LMOD1: variants seen among roughly 807,000 people sequenced by gnomAD.
LMOD1 encodes the protein leiomodin-1.
In LMOD1, 8 loss-of-function variants were observed where a neutral mutation model predicts 36.5. That is an observed-to-expected ratio of 0.22 (90% confidence interval 0.13 to 0.40). The LOEUF (loss-of-function observed/expected upper bound fraction) is 0.40, where lower values mean the gene tolerates loss of function less well. Ranked by LOEUF, LMOD1 falls within the 10% of genes least tolerant of loss-of-function variation. The probability of loss-of-function intolerance (pLI) is 1.00; values close to 1 mark genes in which losing one functional copy is unlikely to be tolerated. For synonymous variants in LMOD1, 284 were observed against 288.7 expected (o/e 0.98, Z 0.17); for missense variants, 630 against 751.1 (o/e 0.84, Z 1.88).
chr1:201,945,162 T>C (rs1041590815), intron 1 of LMOD1, among the ~76,000 whole-genome samples: 1 of 152,136 alleles, frequency 6.6e-6, no homozygotes, highest in South Asian at 2.1e-4. Flanking sequence ...TCATACTTCA[T>C]CGGAGGCTAG....
intron 1 of LMOD1, among the ~76,000 whole-genome samples, chr1:201,909,968 A>C (rs546537668): frequency 6.6e-6 from 1 of 152,250 alleles, no homozygotes; most frequent in African/African-American, 2.4e-5. Flanking sequence ...TGCCTGGTCC[A>C]GACACAGCCC....
rs541150339 is a variant in LMOD1 at position 201,919,138 on chromosome 1, C to T, written c.262-18387G>A. 5.9e-5 allele frequency among the ~76,000 whole-genome samples: 9 copies of T among 152,190 alleles called. No individual in the cohort carries two copies. The East Asian group carries it at 1.7e-3, about 30-fold the overall frequency. ...CTCCTGGCCTCAAGCAATCCTCCCG[C>T]CTTGGCCTCACTTTTGCTGGGATTA... On this transcript the variant is annotated intron_variant, in intron 1 of 2. Coordinates refer to ENST00000367288, the MANE Select transcript of LMOD1 (RefSeq NM_012134.3).
chr1:201,931,786 C>T (rs1365766185), intron 1 of LMOD1, among the ~76,000 whole-genome samples: 1 of 151,736 alleles, frequency 6.6e-6, no homozygotes, highest in African/African-American at 2.4e-5. Flanking sequence ...CCTGTAATCC[C>T]AGCACTTTGG....
chr1:201,932,424 T>C (rs1449639453), intron 1 of LMOD1, among the ~76,000 whole-genome samples: 1 of 151,976 alleles, frequency 6.6e-6, no homozygotes, highest in Non-Finnish European at 1.5e-5. Context: ...GAAAAGGTTA[T>C]ACAGCATCTA....
chr1:201,924,660 GAAA>G (rs1224538245), intron 1 of LMOD1, among the ~76,000 whole-genome samples: 1 of 122,964 alleles, frequency 8.1e-6, no homozygotes, highest in African/African-American at 3.1e-5. Flanking sequence ...GAGAAAGAAA[GAAA>G]AAAAAGAAAG....
rs60662285 is a variant in LMOD1 at position 201,927,639 on chromosome 1, TG to T, written c.261+18440del. On this transcript the variant is annotated intron_variant, in intron 1 of 2. Transcript: ENST00000367288. ...ATACTTTTCAGTGAAGTTGAGGACA[TG>T]GGACAAGTGGGTTATCACTAAGTAG... Among the ~76,000 whole-genome samples, 1,430 of 150,408 alleles carry T rather than the reference TG, an allele frequency of 9.5e-3. 29 individuals are homozygous for T. The highest frequency in any genetic ancestry group is 0.033 in the African/African-American group (1,369 of 40,962).
chr1:201,899,132 G>A lies in LMOD1; in HGVS notation c.1776+105C>T, dbSNP rs1571572017. On this transcript the variant is annotated intron_variant, in intron 2 of 2. Transcript: ENST00000367288. This position sits in a 1 kb window ranked among gnomAD's most constrained non-coding sequence, Gnocchi z 6.3. ...TGGGCCCTGGGAGTCTATATCATCT[G>A]CAGCCGACATAAGCTCCTCTGCATG... 12 of 1,061,984 alleles carry A rather than the reference G, an allele frequency of 1.1e-5. 1 individual carries two copies. In the South Asian group the frequency reaches 1.7e-4, roughly 15 times the overall value. The allele number at this position is 1,061,984 out of a possible 1,614,324, so 65.8% of individuals were successfully genotyped here. A position where few individuals can be genotyped will look rare whatever the true frequency, so the allele number is the denominator to read the frequency against.
chr1:201,935,368 C>T (rs1002382995), intron 1 of LMOD1, among the ~76,000 whole-genome samples: 3 of 149,196 alleles, frequency 2.0e-5, no homozygotes, highest in Non-Finnish European at 4.5e-5. Context: ...CCCTGTCAAC[C>T]CAACATTTCC....
intron 1 of LMOD1, among the ~76,000 whole-genome samples, chr1:201,902,878 G>A (rs1681355340): frequency 1.3e-5 from 2 of 152,174 alleles, no homozygotes; most frequent in Non-Finnish European, 2.9e-5. Context: ...GAGAAGCAGA[G>A]GAAGTGGCAG....
intron 1 of LMOD1, among the ~76,000 whole-genome samples, chr1:201,933,149 C>T (rs1389250729): frequency 6.6e-6 from 1 of 152,156 alleles, no homozygotes; most frequent in East Asian, 1.9e-4. Context: ...TGTGGTGGCT[C>T]ACGCTTGTAA....
chr1:201,920,226 A>G (rs961597804), intron 1 of LMOD1, among the ~76,000 whole-genome samples: 2 of 151,466 alleles, frequency 1.3e-5, no homozygotes, highest in African/African-American at 4.9e-5. Context: ...CGCCTGGTTA[A>G]TTTTTGTATT....
At chr1:201,906,727 T>C (rs116022858) in intron 1 of LMOD1, among the ~76,000 whole-genome samples, 2,234 of 152,262 alleles carry the variant, frequency 0.015, 48 homozygotes, top group African/African-American at 0.048. Flanking sequence ...CTAGAGTCTC[T>C]GGAAAAGAAG....
intron 2 of LMOD1, 62 bp from the exon 3 acceptor site, chr1:201,898,460 A>G: frequency 1.4e-6 from 2 of 1,449,352 alleles, no homozygotes; most frequent in Non-Finnish European, 1.9e-6. Context: ...CTCCCTCCCT[A>G]CTGGAAGGAC....
intron 1 of LMOD1, among the ~76,000 whole-genome samples, chr1:201,916,980 C>T (rs756178428): frequency 2.0e-5 from 3 of 152,210 alleles, no homozygotes; most frequent in Admixed American, 6.5e-5. Flanking sequence ...AAAAAAAGGG[C>T]ATTTTCTGAT....
At chr1:201,922,666 A>G (rs1311210766) in intron 1 of LMOD1, among the ~76,000 whole-genome samples, 2 of 151,728 alleles carry the variant, frequency 1.3e-5, no homozygotes, top group Admixed American at 6.6e-5. Context: ...GTGTTGTACA[A>G]CTTTGTGAAT....
intron 1 of LMOD1, among the ~76,000 whole-genome samples, chr1:201,911,180 C>CAGGGATAG (rs1201112279): frequency 6.6e-6 from 1 of 152,140 alleles, no homozygotes; most frequent in Non-Finnish European, 1.5e-5. Context: ...TCTGGGGACA[C>CAGGGATAG]AGGGATAGAT....
At chr1:201,927,761 T>C (rs1288694573) in intron 1 of LMOD1, among the ~76,000 whole-genome samples, 2 of 152,142 alleles carry the variant, frequency 1.3e-5, no homozygotes, top group South Asian at 2.1e-4. Flanking sequence ...CCTTGACAAC[T>C]GGAATTTCAG....
At chr1:201,919,906 C>T (rs1187300427) in intron 1 of LMOD1, among the ~76,000 whole-genome samples, 1 of 152,104 alleles carries the variant, frequency 6.6e-6, no homozygotes, top group African/African-American at 2.4e-5. Flanking sequence ...CAGTCCACAT[C>T]TCTCCATCCT....
chr1:201,934,892 CCTT>C (rs1558243174), intron 1 of LMOD1, among the ~76,000 whole-genome samples: 2 of 152,210 alleles, frequency 1.3e-5, no homozygotes, highest in African/African-American at 4.8e-5. Context: ...TTCATTGGCT[CCTT>C]CTCCTCTGCC....
Sources: gnomAD v4.1 joint callset for allele counts (sites outside exome capture counted in the v4.1 genomes callset) on GRCh38, gnomAD v4.1.1 for gene constraint, Gnocchi (gnomAD v3.1) non-coding constraint, MANE v1.5 for transcripts, NCBI Gene and HGNC (gene_info 2026-07-23, HGNC 2026-07-21) for gene names.